ADNP: variants seen among roughly 807,000 people sequenced by gnomAD.
ADNP encodes the protein activity dependent neuroprotector homeobox.
In ADNP, 4 loss-of-function variants were observed where a neutral mutation model predicts 84.9. The observed-to-expected ratio is 0.05, with a 90% confidence interval of 0.02 to 0.11. ADNP has a LOEUF of 0.11. Among genes scored for constraint, ADNP ranks in the 10% least tolerant of loss-of-function variants. The probability of loss-of-function intolerance (pLI) is 1.00; values close to 1 mark genes in which losing one functional copy is unlikely to be tolerated. For missense variants in ADNP, 1,132 were observed against 1,326.0 expected (o/e 0.85, Z 2.27); for synonymous variants, 554 against 468.1 (o/e 1.18, Z -2.37).
Position 50,891,381 on chromosome 20 carries a change from C to T in ADNP, c.*24G>A. The T allele has an allele frequency of 6.4e-7, 1 of 1,564,848 alleles. No homozygotes were observed. Among genetic ancestry groups the T allele is most frequent in the Non-Finnish European group, 8.6e-7 (1 of 1,160,210 alleles). ...ATCAGAGTTCCAGGCTGCAGCATGT[C>T]ACCAACGCCAGGGAACCTGGCACTT... On this transcript the variant is annotated 3_prime_UTR_variant, in exon 6 of 6. Coordinates refer to ENST00000621696, the MANE Select transcript of ADNP (RefSeq NM_001282531.3).
intron 5 of ADNP, among the ~76,000 whole-genome samples, chr20:50,895,342 G>A (rs1374756131): frequency 6.6e-6 from 1 of 152,144 alleles, no homozygotes; most frequent in African/African-American, 2.4e-5. Context: ...ATTACCATAG[G>A]CAATGATTAA....
rs776823194 is a variant in ADNP, at chr20:50,919,287, A to ACATAT, written c.-90+9363_-90+9364insATATG. On this transcript the variant is annotated intron_variant, in intron 2 of 5. Transcript: ENST00000621696. The stretch of plus-strand genomic sequence containing the variant: ...CCAGCCTGAAAAAATACATATATTT[A>ACATAT]AGTGTATATATATATATATATATAT... 5.0e-3 allele frequency among the ~76,000 whole-genome samples: 640 copies of ACATAT among 128,052 alleles called. 25 individuals carry two copies. Among genetic ancestry groups the ACATAT allele is most frequent in the African/African-American group, 0.018 (488 of 26,816 alleles). 84.0% of individuals were successfully genotyped at this position (128,052 alleles called of 152,430 possible).
chr20:50,921,762 C>T (rs1983966737), intron 2 of ADNP, among the ~76,000 whole-genome samples: 1 of 152,172 alleles, frequency 6.6e-6, no homozygotes, highest in Non-Finnish European at 1.5e-5. Flanking sequence ...AGAGGTCTGG[C>T]CCCCCGACCC....
At chr20:50,914,836 T>C (rs1001558056) in intron 2 of ADNP, among the ~76,000 whole-genome samples, 18 of 152,234 alleles carry the variant, frequency 1.2e-4, no homozygotes, top group African/African-American at 3.9e-4. Flanking sequence ...CTCAGGCCTA[T>C]GCCAGACAGT....
intron 4 of ADNP, among the ~76,000 whole-genome samples, chr20:50,902,898 T>C (rs1982125472): frequency 6.6e-6 from 1 of 152,154 alleles, no homozygotes; most frequent in Non-Finnish European, 1.5e-5. Context: ...AACTCTGGGG[T>C]TGGAGAAGGG....
intron 1 of ADNP, among the ~76,000 whole-genome samples, chr20:50,930,324 T>A (rs1302180704): frequency 6.6e-6 from 1 of 151,914 alleles, no homozygotes; most frequent in Non-Finnish European, 1.5e-5. Context: ...AGGCAAAGAC[T>A]CACTCCATGC....
rs1446003601 is a variant in ADNP, at chr20:50,890,763, A to G, written c.*642T>C. On this transcript the variant is annotated 3_prime_UTR_variant, in exon 6 of 6. Transcript: ENST00000621696. ...GCTGGCCTCTGTTGCAAGATTGTAC[A>G]AGGTTATGTGCAAAAACTAAGTCTG... The G allele has an allele frequency of 4.5e-6, 1 of 224,324 alleles. No individual in the cohort carries two copies. The highest frequency in any genetic ancestry group is 6.5e-5 in the Admixed American group (1 of 15,346). The allele number at this position is 224,324 out of a possible 1,614,324, so 13.9% of individuals were successfully genotyped here. A position where few individuals can be genotyped will look rare whatever the true frequency, so the allele number is the denominator to read the frequency against.
At chr20:50,916,174 A>G (rs1264435863) in intron 2 of ADNP, among the ~76,000 whole-genome samples, 2 of 152,224 alleles carry the variant, frequency 1.3e-5, no homozygotes, top group East Asian at 3.8e-4. Flanking sequence ...ATTTATCTAA[A>G]TATAGCATTC....
At chr20:50,900,641 G>A (rs533244259) in intron 5 of ADNP, among the ~76,000 whole-genome samples, 2 of 152,268 alleles carry the variant, frequency 1.3e-5, no homozygotes, top group East Asian at 3.9e-4. Context: ...CCAAAATGTC[G>A]TTATGTGGTG....
chr20:50,925,695 C>T (rs544670133), intron 2 of ADNP, among the ~76,000 whole-genome samples: 3 of 152,362 alleles, frequency 2.0e-5, no homozygotes, highest in Admixed American at 2.0e-4. Flanking sequence ...TTGGTTTATA[C>T]TAGTTTCAAA....
intron 5 of ADNP, among the ~76,000 whole-genome samples, chr20:50,895,243 C>G (rs1000726376): frequency 6.6e-6 from 1 of 152,162 alleles, no homozygotes; most frequent in Non-Finnish European, 1.5e-5. Flanking sequence ...TCACACAGAC[C>G]TAGATGGTAG....
chr20:50,910,985 G>A (rs1174811450), intron 2 of ADNP, among the ~76,000 whole-genome samples: 1 of 152,168 alleles, frequency 6.6e-6, no homozygotes, highest in African/African-American at 2.4e-5. Context: ...ACACTGTTGA[G>A]TGAACTAGCC....
intron 2 of ADNP, among the ~76,000 whole-genome samples, chr20:50,908,753 GAC>G (rs1039309752): frequency 1.3e-5 from 2 of 151,870 alleles, no homozygotes; most frequent in Non-Finnish European, 2.9e-5. Context: ...CAGCCTGGGC[GAC>G]AGAGTGAGAC....
intron 2 of ADNP, among the ~76,000 whole-genome samples, chr20:50,922,160 C>T (rs1983997267): frequency 1.3e-5 from 2 of 152,176 alleles, no homozygotes; most frequent in Admixed American, 6.5e-5. Context: ...ACACAGAAGT[C>T]GTGAAGTTGT....
At chr20:50,920,931 C>A (rs1983918752) in intron 2 of ADNP, among the ~76,000 whole-genome samples, 1 of 152,170 alleles carries the variant, frequency 6.6e-6, no homozygotes, top group Non-Finnish European at 1.5e-5. Context: ...AATAAAGATG[C>A]AGTGGTCCAC....
chr20:50,889,210 C>T lies in ADNP; in HGVS notation c.*2195G>A, dbSNP rs952413239. On this transcript the variant is annotated 3_prime_UTR_variant, in exon 6 of 6. Transcript: ENST00000621696. ...GAAACACACTTATCTGTGTCTGTTC[C>T]GATATCCAACTGGGACCTGGACCCC... The T allele has an allele frequency of 6.6e-6, 1 of 152,180 alleles. No homozygotes were observed. The highest frequency in any genetic ancestry group is 1.5e-5 in the Non-Finnish European group (1 of 68,046). The allele number at this position is 152,180 out of a possible 1,614,324, so 9.4% of individuals were successfully genotyped here. A position where few individuals can be genotyped will look rare whatever the true frequency, so the allele number is the denominator to read the frequency against.
rs764863978 is a variant in ADNP, at chr20:50,891,900, A to G, written c.2814T>C (p.Thr938=). 4 of 1,614,206 alleles carry G rather than the reference A, an allele frequency of 2.5e-6. No individual in the cohort carries two copies. Among genetic ancestry groups the G allele is most frequent in the Admixed American group, 3.3e-5 (2 of 60,026 alleles). ...DQKEDGSKYE[T]IHLTEEPTKL... is the part of the protein sequence containing the mutation. ...TGGTTGGTTCCTCAGTCAAATGAAT[A>G]GTTTCGTATTTTGAACCATCCTCTT... Residue 938 remains threonine (T), a synonymous_variant, in exon 6 of 6, where the codon ACT becomes ACC. Coordinates refer to ENST00000621696, the MANE Select transcript of ADNP (RefSeq NM_001282531.3).
At chr20:50,905,725 T>C (rs1381692961) in intron 2 of ADNP, among the ~76,000 whole-genome samples, 4 of 152,238 alleles carry the variant, frequency 2.6e-5, no homozygotes, top group Non-Finnish European at 5.9e-5. Flanking sequence ...GCAATGACTA[T>C]GGTGTCCCCT....
At chr20:50,901,941 G>A (rs1269078418) in intron 5 of ADNP, 76 bp downstream of exon 5, 5 of 1,090,532 alleles carry the variant, frequency 4.6e-6, no homozygotes, top group African/African-American at 1.6e-5. Context: ...TCACTGCACC[G>A]CTATAAAAGG....
Sources: gnomAD v4.1 joint callset for allele counts (sites outside exome capture counted in the v4.1 genomes callset) on GRCh38, gnomAD v4.1.1 for gene constraint, MANE v1.5 for transcripts, NCBI Gene and HGNC (gene_info 2026-07-23, HGNC 2026-07-21) for gene names.